PTPRD: variants seen among roughly 807,000 people sequenced by gnomAD.
PTPRD encodes protein tyrosine phosphatase receptor type D.
A neutral mutation model predicts 214.5 loss-of-function variants in PTPRD; 34 were observed. The ratio of observed to expected loss-of-function variants is 0.16; its 90% confidence interval spans 0.12 to 0.21. The LOEUF (loss-of-function observed/expected upper bound fraction) is 0.21, where lower values mean the gene tolerates loss of function less well. Among genes scored for constraint, PTPRD ranks in the 10% least tolerant of loss-of-function variants. PTPRD has a pLI of 1.00. For missense variants in PTPRD, 2,545 were observed against 2,398.7 expected, an observed-to-expected ratio of 1.06 and a Z score of -1.27; for synonymous variants, 1,128 against 845.7, an observed-to-expected ratio of 1.33 and a Z score of -5.79.
chr9:9,748,351 A>G (rs1393843308), intron 6 of PTPRD, among the ~76,000 whole-genome samples: 2 of 152,228 alleles, frequency 1.3e-5, no homozygotes, highest in Non-Finnish European at 2.9e-5. Context: ...AGAAGGGACA[A>G]TGATCCATAG....
At chr9:10,074,482 G>C (rs1313912209) in intron 3 of PTPRD, among the ~76,000 whole-genome samples, 1 of 152,066 alleles carries the variant, frequency 6.6e-6, no homozygotes, top group African/African-American at 2.4e-5. Flanking sequence ...CAGAGGAGTA[G>C]TATTTATTAT....
chr9:9,516,600 C>T (rs1241355169), intron 8 of PTPRD, among the ~76,000 whole-genome samples: 1 of 151,616 alleles, frequency 6.6e-6, no homozygotes, highest in Non-Finnish European at 1.5e-5. Flanking sequence ...TGCAATGGCA[C>T]TAACTAAGCT....
chr9:9,828,350 T>G (rs1016510796), intron 5 of PTPRD, among the ~76,000 whole-genome samples: 3 of 152,166 alleles, frequency 2.0e-5, no homozygotes, highest in African/African-American at 7.2e-5. Context: ...TCAAGTCCTT[T>G]GTAAGGACAT....
chr9:10,497,790 A>G lies in PTPRD; in HGVS notation c.-600+114608T>C, dbSNP rs536841015. 6.2e-4 allele frequency among the ~76,000 whole-genome samples: 94 copies of G among 152,156 alleles called. 1 individual carries two copies. Among genetic ancestry groups the G allele is most frequent in the African/African-American group, 2.1e-3 (88 of 41,570 alleles). Reference sequence around the variant, plus strand: ...GAATGAAAGATTTGCTATTATGTTTATCTTCTACTTTTATTCTAAAATTAA... The same window carrying G: ...GAATGAAAGATTTGCTATTATGTTTGTCTTCTACTTTTATTCTAAAATTAA... On this transcript the variant is annotated intron_variant, in intron 2 of 45. Transcript: ENST00000381196.
chr9:9,515,182 C>G (rs181060843), intron 8 of PTPRD, among the ~76,000 whole-genome samples: 9 of 152,148 alleles, frequency 5.9e-5, no homozygotes, highest in Admixed American at 2.0e-4. Flanking sequence ...GTATAGAAGT[C>G]TTTTGTAAAC....
chr9:10,118,547 T>A lies in PTPRD; in HGVS notation c.-544-84757A>T, dbSNP rs141146187. Among the ~76,000 whole-genome samples the A allele has an allele frequency of 3.0e-3, 461 of 151,914 alleles. 3 individuals are homozygous for A. The highest frequency in any genetic ancestry group is 0.011 in the African/African-American group (446 of 41,520). Reference sequence around the variant, plus strand: ...AGGCTATCGTTATTATCAGAAGTGATACATGTAAATTTTTAATTTTTGATT... The same window carrying A: ...AGGCTATCGTTATTATCAGAAGTGAAACATGTAAATTTTTAATTTTTGATT... On this transcript the variant is annotated intron_variant, in intron 3 of 45. Transcript: ENST00000381196.
intron 11 of PTPRD, among the ~76,000 whole-genome samples, chr9:8,874,608 A>G (rs1290971035): frequency 2.0e-5 from 3 of 151,990 alleles, no homozygotes; most frequent in African/African-American, 7.3e-5. Flanking sequence ...TCTCCTAATG[A>G]CTCTTATCTC....
chr9:9,954,006 G>A (rs893139251), intron 4 of PTPRD, among the ~76,000 whole-genome samples: 7 of 151,914 alleles, frequency 4.6e-5, no homozygotes, highest in African/African-American at 1.7e-4. Context: ...GCACTTGATT[G>A]AAAGAGCAGG....
At chr9:9,752,782 A>C (rs1324309450) in intron 6 of PTPRD, among the ~76,000 whole-genome samples, 1 of 152,056 alleles carries the variant, frequency 6.6e-6, no homozygotes, top group Non-Finnish European at 1.5e-5. Flanking sequence ...TAGAAGATCC[A>C]TTAAATATGG....
intron 9 of PTPRD, among the ~76,000 whole-genome samples, chr9:9,190,440 G>T (rs193190798): frequency 1.3e-5 from 2 of 151,822 alleles, no homozygotes; most frequent in Non-Finnish European, 2.9e-5. Context: ...TGCTTCTTCC[G>T]CATTTTCTCT....
chr9:9,775,175 C>A (rs1222411984), intron 5 of PTPRD, among the ~76,000 whole-genome samples: 1 of 152,162 alleles, frequency 6.6e-6, no homozygotes, highest in African/African-American at 2.4e-5. Flanking sequence ...CATTAATAAT[C>A]GAATCCCATT....
chr9:8,481,361 T>C (rs1408954107), intron 30 of PTPRD, among the ~76,000 whole-genome samples: 1 of 152,090 alleles, frequency 6.6e-6, no homozygotes, highest in Non-Finnish European at 1.5e-5. Context: ...AAACAATAAT[T>C]GAAAGTGTAC....
chr9:9,350,354 C>G (rs2050642820), intron 9 of PTPRD, among the ~76,000 whole-genome samples: 2 of 151,970 alleles, frequency 1.3e-5, no homozygotes, highest in African/African-American at 4.8e-5. Flanking sequence ...AAATGTTATT[C>G]CTGGCTTTAT....
intron 2 of PTPRD, among the ~76,000 whole-genome samples, chr9:10,470,172 A>C (rs901565302): frequency 6.6e-6 from 1 of 152,186 alleles, no homozygotes; most frequent in Admixed American, 6.6e-5. Context: ...GATGTGCTAA[A>C]TACCCACATT....
At chr9:9,259,155 C>T (rs77656328) in intron 9 of PTPRD, among the ~76,000 whole-genome samples, 4,292 of 151,910 alleles carry the variant, frequency 0.028, 203 homozygotes, top group African/African-American at 0.097. Flanking sequence ...AGATCAGGGA[C>T]ATGAAAATAG....
intron 10 of PTPRD, among the ~76,000 whole-genome samples, chr9:9,047,591 C>A (rs1334865035): frequency 6.6e-6 from 1 of 152,106 alleles, no homozygotes; most frequent in Non-Finnish European, 1.5e-5. Flanking sequence ...AGAAACAAAT[C>A]TGAAAACCTA....
rs557588928 is a variant in PTPRD, at chr9:9,719,192, C to T, written c.-287+15341G>A. The stretch of plus-strand genomic sequence containing the variant: ...TCCAGAGACTTGTGAGGATGACCTG[C>T]CTGCAGATAGGAGCTACCCACTTCA... On this transcript the variant is annotated intron_variant, in intron 7 of 45. Coordinates refer to ENST00000381196, the MANE Select transcript of PTPRD (RefSeq NM_002839.4). Among the ~76,000 whole-genome samples the T allele has an allele frequency of 2.0e-4, 31 of 152,218 alleles. No individual in the cohort carries two copies. In the South Asian group the frequency reaches 6.4e-3, roughly 32 times the overall value.
At chr9:10,042,377 T>C (rs1159767689) in intron 3 of PTPRD, among the ~76,000 whole-genome samples, 2 of 151,916 alleles carry the variant, frequency 1.3e-5, no homozygotes, top group Non-Finnish European at 2.9e-5. Flanking sequence ...TAAAGCACCA[T>C]AGATTGCCAA....
intron 7 of PTPRD, among the ~76,000 whole-genome samples, chr9:9,733,175 A>G (rs1197240443): frequency 1.3e-5 from 2 of 152,206 alleles, no homozygotes; most frequent in African/African-American, 4.8e-5. Flanking sequence ...TTTTAATGTC[A>G]ACTTATTCTT....
Sources: allele counts gnomAD v4.1 joint callset (sites outside exome capture counted in the v4.1 genomes callset), GRCh38; gene constraint gnomAD v4.1.1; transcripts MANE v1.5; gene names NCBI Gene and HGNC (gene_info 2026-07-23, HGNC 2026-07-21).